The following COP1 variants were observed in gnomAD, a reference collection of about 807,000 sequenced individuals.
COP1 encodes COP1 E3 ubiquitin ligase, also known as E3 ubiquitin-protein ligase COP1.
Under a neutral mutation model 101.3 loss-of-function variants are expected in COP1, and 24 were observed. That is an observed-to-expected ratio of 0.24 (90% CI 0.17 to 0.33). COP1 has a LOEUF of 0.33. Among genes scored for constraint, COP1 ranks in the 10% least tolerant of loss-of-function variants. The probability of loss-of-function intolerance (pLI) is 1.00; values close to 1 mark genes in which losing one functional copy is unlikely to be tolerated. For synonymous variants in COP1, 347 were observed against 341.9 expected (o/e 1.01, Z -0.17); for missense variants, 663 against 906.2 (o/e 0.73, Z 3.45).
chr1:176,086,227 CTTT>C (rs11428035), intron 9 of COP1, among the ~76,000 whole-genome samples: 36 of 135,050 alleles, frequency 2.7e-4, no homozygotes, highest in Non-Finnish European at 4.3e-4. Context: ...GGGAATCTTT[CTTT>C]TTTTTTTTTT....
At chr1:176,133,847 A>G (rs1239162556) in intron 8 of COP1, 1 of 454,930 alleles carries the variant, frequency 2.2e-6, no homozygotes, top group East Asian at 6.9e-5. Context: ...ATGTACTTAC[A>G]TAATAAGTAT....
At chr1:176,043,054 GAAT>G in intron 14 of COP1, 129 bp downstream of exon 14, 1 of 650,830 alleles carries the variant, frequency 1.5e-6, no homozygotes, top group Non-Finnish European at 2.8e-6. Context: ...ACAACATGGG[GAAT>G]AATAATAATC....
chr1:176,037,686 G>T (rs1286896622), intron 14 of COP1, among the ~76,000 whole-genome samples: 1 of 152,052 alleles, frequency 6.6e-6, no homozygotes, highest in Non-Finnish European at 1.5e-5. Context: ...TATTAATAAA[G>T]AGAAACTACA....
rs1380169285 is a variant in COP1, at chr1:176,207,242, G to A, written c.-264C>T. 7.6e-6 allele frequency: 3 copies of A among 396,970 alleles called. No homozygotes were observed. The highest frequency in any genetic ancestry group is 1.2e-4 in the South Asian group (1 of 8,014). The allele number at this position is 396,970 out of a possible 1,614,324, so 24.6% of individuals were successfully genotyped here. A position where few individuals can be genotyped will look rare whatever the true frequency, so the allele number is the denominator to read the frequency against. Reference sequence around the variant, plus strand: ...CGCCGCCACCGCGGTCCCTGTAGCAGCCAACCCCGGCGCGCCGTGGCCGGC... The same window carrying A: ...CGCCGCCACCGCGGTCCCTGTAGCAACCAACCCCGGCGCGCCGTGGCCGGC... On this transcript the variant is annotated 5_prime_UTR_variant, in exon 1 of 20. Transcript: ENST00000367669.
At chr1:176,097,868 CAAAAAAA>C (rs35822200) in intron 9 of COP1, among the ~76,000 whole-genome samples, 4 of 79,356 alleles carry the variant, frequency 5.0e-5, no homozygotes, top group Non-Finnish European at 9.3e-5. Context: ...AACTCCATCT[CAAAAAAA>C]AAAAAAAAAA....
At chr1:176,006,724 AG>A (rs1173054630) in intron 15 of COP1, among the ~76,000 whole-genome samples, 25 of 152,158 alleles carry the variant, frequency 1.6e-4, no homozygotes, top group Non-Finnish European at 3.2e-4. Flanking sequence ...ATCCGCTGTT[AG>A]TCTGATGGTC....
At chr1:175,966,302 CACACACACACACAA>C in intron 18 of COP1, among the ~76,000 whole-genome samples, 1 of 140,404 alleles carries the variant, frequency 7.1e-6, no homozygotes, top group Non-Finnish European at 1.6e-5. Flanking sequence ...CACACACACA[CACACACACACACAA>C]ACACTTAAAA....
At chr1:176,041,967 C>A (rs2149170001) in intron 14 of COP1, among the ~76,000 whole-genome samples, 1 of 152,186 alleles carries the variant, frequency 6.6e-6, no homozygotes, top group East Asian at 1.9e-4. Context: ...CAAAAATTAG[C>A]CGGACATGGT....
chr1:176,008,738 C>T (rs4543747), intron 15 of COP1, among the ~76,000 whole-genome samples: 131,375 of 152,156 alleles, frequency 0.86, 58,791 homozygotes, highest in Non-Finnish European at 0.98. Flanking sequence ...TTGCTATTGG[C>T]GGTGTTGCTG....
intron 9 of COP1, among the ~76,000 whole-genome samples, chr1:176,099,379 T>G (rs1455865766): frequency 6.6e-6 from 1 of 152,208 alleles, no homozygotes; most frequent in Non-Finnish European, 1.5e-5. Flanking sequence ...TCTTTTTAAC[T>G]TTTGCTTGGA....
intron 1 of COP1, among the ~76,000 whole-genome samples, chr1:176,197,899 C>A (rs932131091): frequency 1.3e-5 from 2 of 152,026 alleles, no homozygotes; most frequent in Non-Finnish European, 2.9e-5. Context: ...AAAAGAACAA[C>A]ATTTAGAACA....
At chr1:176,114,480 G>A (rs890051903) in intron 9 of COP1, among the ~76,000 whole-genome samples, 8 of 151,764 alleles carry the variant, frequency 5.3e-5, no homozygotes, top group African/African-American at 1.9e-4. Context: ...GATAAAAATA[G>A]GTGTACTATT....
At chr1:175,952,988 CTTGTTT>C (rs1650140095) in intron 18 of COP1, among the ~76,000 whole-genome samples, 1 of 152,104 alleles carries the variant, frequency 6.6e-6, no homozygotes, top group African/African-American at 2.4e-5. Context: ...TATTTGATTT[CTTGTTT>C]TTAAGTTTTT....
chr1:176,186,510 A>G (rs1341673957), intron 1 of COP1, among the ~76,000 whole-genome samples: 1 of 152,170 alleles, frequency 6.6e-6, no homozygotes, highest in African/African-American at 2.4e-5. Flanking sequence ...ACTGCACTCC[A>G]GCCCAGGTGA....
chr1:176,092,853 A>G (rs962455193), intron 9 of COP1, among the ~76,000 whole-genome samples: 6 of 152,194 alleles, frequency 3.9e-5, no homozygotes, highest in African/African-American at 1.2e-4. Context: ...TCCTAGGTAC[A>G]TATCTAGGGA....
chr1:175,987,997 A>T (rs1657526377), intron 17 of COP1, among the ~76,000 whole-genome samples: 1 of 152,210 alleles, frequency 6.6e-6, no homozygotes, highest in Non-Finnish European at 1.5e-5. Flanking sequence ...TCTGTCTTCT[A>T]CACAATATCT....
At chr1:176,060,001 G>C (rs1478898842) in intron 11 of COP1, among the ~76,000 whole-genome samples, 1 of 152,024 alleles carries the variant, frequency 6.6e-6, no homozygotes, top group Non-Finnish European at 1.5e-5. Flanking sequence ...ATAGCAACCT[G>C]CTAGATAATT....
chr1:176,183,307 G>A (rs1300495495), intron 2 of COP1, among the ~76,000 whole-genome samples: 2 of 152,102 alleles, frequency 1.3e-5, no homozygotes, highest in African/African-American at 4.8e-5. Flanking sequence ...ATATGAATTA[G>A]AATATAAGGA....
At chr1:176,055,631 T>C (rs1462898442) in intron 11 of COP1, among the ~76,000 whole-genome samples, 2 of 152,188 alleles carry the variant, frequency 1.3e-5, no homozygotes, top group African/African-American at 2.4e-5. Context: ...TCATGTCTAG[T>C]TGACAGCTCC....
Sources: allele counts gnomAD v4.1 joint callset (sites outside exome capture counted in the v4.1 genomes callset), GRCh38; gene constraint gnomAD v4.1.1; transcripts MANE v1.5; gene names NCBI Gene and HGNC (gene_info 2026-07-23, HGNC 2026-07-21).